The following MAP2K6 variants were observed in gnomAD, a reference collection of about 807,000 sequenced individuals.
MAP2K6 encodes dual specificity mitogen-activated protein kinase kinase 6.
A neutral mutation model predicts 53.7 loss-of-function variants in MAP2K6; 16 were observed. The observed-to-expected ratio is 0.30, with a 90% confidence interval of 0.20 to 0.45. The LOEUF is 0.45. Ranked by LOEUF, MAP2K6 falls within the 20% of genes least tolerant of loss-of-function variation. The pLI is 1.00. For synonymous variants in MAP2K6, 132 were observed against 143.1 expected (o/e 0.92, Z 0.55); for missense variants, 204 against 411.9 (o/e 0.50, Z 4.37).
Position 69,503,959 on chromosome 17 carries a change from C to G in MAP2K6, c.17-1821C>G, listed in dbSNP as rs187215980. On this transcript the variant is annotated intron_variant, in intron 1 of 11. Transcript: ENST00000590474. Reference sequence around the variant, plus strand: ...GATGTCAGCTGGGTATTTTAAAACTCAAAATCCCGGGTACGTCTCACCTGC... The same window carrying G: ...GATGTCAGCTGGGTATTTTAAAACTGAAAATCCCGGGTACGTCTCACCTGC... 1.8e-3 allele frequency among the ~76,000 whole-genome samples: 275 copies of G among 152,258 alleles called. 1 individual carries two copies. The highest frequency in any genetic ancestry group is 6.4e-3 in the African/African-American group (265 of 41,542).
chr17:69,423,634 G>A (rs150459370), intron 1 of MAP2K6, among the ~76,000 whole-genome samples: 4 of 152,318 alleles, frequency 2.6e-5, no homozygotes, highest in South Asian at 2.1e-4. Flanking sequence ...CACAGGAAAC[G>A]TCTGAGTGGT....
chr17:69,512,353 T>TTTTTTTG (rs1909888435), intron 2 of MAP2K6, among the ~76,000 whole-genome samples: 1 of 132,580 alleles, frequency 7.5e-6, no homozygotes, highest in Non-Finnish European at 1.6e-5. Context: ...TTTTTTTTTT[T>TTTTTTTG]TTTTGAGACA....
chr17:69,473,225 A>AAGTG (rs1211595488), intron 1 of MAP2K6, among the ~76,000 whole-genome samples: 1 of 152,226 alleles, frequency 6.6e-6, no homozygotes, highest in African/African-American at 2.4e-5. Context: ...TGAAAATGTT[A>AAGTG]AGTGAGTACT....
At chr17:69,479,988 G>C (rs890791924) in intron 1 of MAP2K6, among the ~76,000 whole-genome samples, 1 of 152,056 alleles carries the variant, frequency 6.6e-6, no homozygotes, top group Non-Finnish European at 1.5e-5. Flanking sequence ...CACCCGGCTT[G>C]GCCTCCCAAC....
intron 1 of MAP2K6, among the ~76,000 whole-genome samples, chr17:69,425,694 A>G (rs1311706910): frequency 6.6e-6 from 1 of 152,188 alleles, no homozygotes; most frequent in African/African-American, 2.4e-5. Context: ...TCATGATCCC[A>G]TGTCGAAGCT....
At chr17:69,416,464 A>G (rs1905904859) in intron 1 of MAP2K6, among the ~76,000 whole-genome samples, 1 of 152,240 alleles carries the variant, frequency 6.6e-6, no homozygotes, top group Non-Finnish European at 1.5e-5. Flanking sequence ...GAGGCAGTCC[A>G]TGCTTTGATG....
At chr17:69,512,339 G>GTTTTTTTTTTTTTTT (rs746993199) in intron 2 of MAP2K6, among the ~76,000 whole-genome samples, 1 of 82,134 alleles carries the variant, frequency 1.2e-5, no homozygotes. Flanking sequence ...TTTTTTTTTT[G>GTTTTTTTTTTTTTTT]TTTTTTTTTT....
At chr17:69,521,279 C>T in intron 7 of MAP2K6, 179 bp downstream of exon 7, 1 of 476,620 alleles carries the variant, frequency 2.1e-6, no homozygotes, top group South Asian at 4.3e-5. Context: ...CTTATCATGG[C>T]TGAGGACATA....
intron 1 of MAP2K6, among the ~76,000 whole-genome samples, chr17:69,441,341 A>G (rs1906812643): frequency 6.6e-6 from 1 of 151,804 alleles, no homozygotes; most frequent in Admixed American, 6.6e-5. Context: ...TCTATTTTTC[A>G]AATTGGGTAA....
At chr17:69,434,659 A>C (rs1253219304) in intron 1 of MAP2K6, 1 of 152,242 alleles carries the variant, frequency 6.6e-6, no homozygotes, top group Non-Finnish European at 1.5e-5. Context: ...TCCAAATTTC[A>C]TAAGCAGTTC....
chr17:69,503,523 A>T (rs1055581743), intron 1 of MAP2K6, among the ~76,000 whole-genome samples: 1 of 152,350 alleles, frequency 6.6e-6, no homozygotes, highest in African/African-American at 2.4e-5. Context: ...AGAATTGAGA[A>T]AGCCTCTTAT....
chr17:69,459,681 C>A (rs1402060099), intron 1 of MAP2K6, among the ~76,000 whole-genome samples: 2 of 131,210 alleles, frequency 1.5e-5, no homozygotes, highest in Non-Finnish European at 3.1e-5. Context: ...CACTGCACTC[C>A]AGCCCGGGCA....
chr17:69,503,250 G>C (rs1269963820), intron 1 of MAP2K6, among the ~76,000 whole-genome samples: 2 of 152,194 alleles, frequency 1.3e-5, no homozygotes, highest in African/African-American at 4.8e-5. Context: ...CCTCACTGAA[G>C]AATCTCATCG....
At chr17:69,504,744 A>G (rs949369859) in intron 1 of MAP2K6, among the ~76,000 whole-genome samples, 4 of 152,166 alleles carry the variant, frequency 2.6e-5, no homozygotes, top group Non-Finnish European at 5.9e-5. Flanking sequence ...CTCATCAACA[A>G]AAGTATTCGA....
In MAP2K6 at chr17:69,446,395, G is replaced by T. The variant is rs74582786; in HGVS notation, c.16+31395G>T. Among the ~76,000 whole-genome samples, 818 of 152,330 alleles carry T rather than the reference G, an allele frequency of 5.4e-3. 6 individuals are homozygous for T. The highest frequency in any genetic ancestry group is 0.019 in the African/African-American group (783 of 41,560). The stretch of plus-strand genomic sequence containing the variant: ...ATACTAAATGTTAAGAGATTGAATT[G>T]CTGGATTAAGAATCATGTTACTCAG... On this transcript the variant is annotated intron_variant, in intron 1 of 11. Transcript: ENST00000590474.
intron 10 of MAP2K6, among the ~76,000 whole-genome samples, chr17:69,533,141 C>G (rs1357499892): frequency 6.6e-6 from 1 of 152,032 alleles, no homozygotes; most frequent in Non-Finnish European, 1.5e-5. Context: ...ATTGGCCAGG[C>G]TGGTCTTGAA....
chr17:69,512,322 C>G (rs1181356798), intron 2 of MAP2K6, among the ~76,000 whole-genome samples: 1 of 95,708 alleles, frequency 1.0e-5, no homozygotes, highest in Admixed American at 1.1e-4. Flanking sequence ...CATTGTCTTT[C>G]TAAGTGTTTT....
chr17:69,523,052 C>G (rs920863616), intron 7 of MAP2K6, among the ~76,000 whole-genome samples: 2 of 152,144 alleles, frequency 1.3e-5, no homozygotes. Context: ...AGAGTAAGAC[C>G]TTATCTTGAA....
At chr17:69,422,768 C>G (rs1338032107) in intron 1 of MAP2K6, among the ~76,000 whole-genome samples, 1 of 152,186 alleles carries the variant, frequency 6.6e-6, no homozygotes, top group Non-Finnish European at 1.5e-5. Context: ...ACCAATTTGC[C>G]CATGGCTGGA....
Sources: allele counts gnomAD v4.1 joint callset (sites outside exome capture counted in the v4.1 genomes callset), GRCh38; gene constraint gnomAD v4.1.1; transcripts MANE v1.5; gene names NCBI Gene and HGNC (gene_info 2026-07-23, HGNC 2026-07-21).